TPD52L2: variants seen among roughly 807,000 people sequenced by gnomAD.
The protein encoded by TPD52L2 is TPD52 like 2.
In TPD52L2, 19 loss-of-function variants were observed where a neutral mutation model predicts 24.7. That is an observed-to-expected ratio of 0.77 (90% CI 0.54 to 1.13). TPD52L2 has a LOEUF of 1.13. TPD52L2 is among the 50% of genes most tolerant of loss of function. The pLI is 0.00. For synonymous variants in TPD52L2, 104 were observed against 100.2 expected, an observed-to-expected ratio of 1.04 and a Z score of -0.23; for missense variants, 236 against 250.4, an observed-to-expected ratio of 0.94 and a Z score of 0.39.
In TPD52L2 at chr20:63,890,801, A is replaced by G. The variant is rs950663302; in HGVS notation, c.*856A>G. ...GTGTACAAAACCTGCTTCTCTTCTC[A>G]ACCGTGGCAGCTCCCGCTGGCTCCT... On this transcript the variant is annotated 3_prime_UTR_variant, in exon 7 of 7. Coordinates refer to ENST00000346249, the MANE Select transcript of TPD52L2 (RefSeq NM_003288.4). 6 of 152,378 alleles carry G rather than the reference A, an allele frequency of 3.9e-5. No homozygotes were observed. Among genetic ancestry groups the G allele is most frequent in the African/African-American group, 1.4e-4 (6 of 41,454 alleles). 9.4% of individuals were successfully genotyped at this position (152,378 alleles called of 1,614,324 possible).
chr20:63,882,182 A>T (rs1427651546), intron 4 of TPD52L2, among the ~76,000 whole-genome samples: 3 of 152,224 alleles, frequency 2.0e-5, no homozygotes, highest in Non-Finnish European at 4.4e-5. Flanking sequence ...TTCCCCACAG[A>T]CGTGGTTGAG....
chr20:63,885,458 G>A (rs545404995), intron 5 of TPD52L2, among the ~76,000 whole-genome samples: 1 of 152,364 alleles, frequency 6.6e-6, no homozygotes, highest in East Asian at 1.9e-4. Context: ...TGGACACACA[G>A]GTTTCCAGGT....
At chr20:63,866,116 A>AT (rs2052219759) in intron 1 of TPD52L2, among the ~76,000 whole-genome samples, 1 of 148,602 alleles carries the variant, frequency 6.7e-6, no homozygotes, top group Non-Finnish European at 1.5e-5. Flanking sequence ...TTCTTTCTTT[A>AT]TTTTTTTGAG....
intron 5 of TPD52L2, chr20:63,888,612 CTT>C (rs1432862266): frequency 7.5e-6 from 1 of 134,170 alleles, no homozygotes; most frequent in East Asian, 2.3e-4. Flanking sequence ...ACTGCGCAGA[CTT>C]TTCATAACCT....
At chr20:63,870,153 A>G (rs528619385) in intron 2 of TPD52L2, among the ~76,000 whole-genome samples, 170 of 152,338 alleles carry the variant, frequency 1.1e-3, no homozygotes, top group African/African-American at 3.9e-3. Flanking sequence ...CTTCTTTTCT[A>G]AAAAGTATTT....
At chr20:63,889,727 TC>T (rs1179485089) in intron 6 of TPD52L2, 122 bp from the exon 7 acceptor site, 1 of 913,272 alleles carries the variant, frequency 1.1e-6, no homozygotes, top group East Asian at 2.6e-5. Flanking sequence ...TTGCTCCCTG[TC>T]CCTGCTGAGC....
chr20:63,869,314 C>G lies in TPD52L2; in HGVS notation c.38C>G (p.Pro13Arg). 1 of 1,614,114 alleles carries G rather than the reference C, an allele frequency of 6.2e-7. No homozygotes were observed. Among genetic ancestry groups the G allele is most frequent in the Non-Finnish European group, 8.5e-7 (1 of 1,179,982 alleles). Residue 13 changes from proline (P) to arginine (R), a missense_variant, in exon 2 of 7, where the codon CCT becomes CGT. Transcript: ENST00000346249. ...CTGGCAGATATCAACCTGAATTCTC[C>G]TAACAAAGGTCTGCTGTCTGACTCC... ...SAGQDINLNS[P>R]NKGLLSDSMT...
At chr20:63,886,717 T>C (rs1226082488) in intron 5 of TPD52L2, among the ~76,000 whole-genome samples, 1 of 151,074 alleles carries the variant, frequency 6.6e-6, no homozygotes, top group Non-Finnish European at 1.5e-5. Context: ...TGATCTCGGC[T>C]CACTGCAACC....
Position 63,882,828 on chromosome 20 carries a change from G to A in TPD52L2, c.476+8G>A, listed in dbSNP as rs776860296. 1.9e-5 allele frequency: 30 copies of A among 1,604,012 alleles called. No individual in the cohort carries two copies. The highest frequency in any genetic ancestry group is 2.7e-5 in the African/African-American group (2 of 74,804). On this transcript the variant is annotated splice_region_variant and intron_variant, in intron 5 of 6. Coordinates refer to ENST00000346249, the MANE Select transcript of TPD52L2 (RefSeq NM_003288.4). ...GAAGCTTGGAGACATGAGGTGAGAC[G>A]CAACCCTGACTCTGCTGCCCTGAGA...
intron 5 of TPD52L2, chr20:63,886,001 G>A (rs1408841605): frequency 1.9e-6 from 3 of 1,614,006 alleles, no homozygotes; most frequent in Non-Finnish European, 2.5e-6. Context: ...CTTCTCTCCT[G>A]CTGCCACCTT....
At position 63,891,399 on chromosome 20, in the gene TPD52L2, G is replaced by C. The variant is rs1235114688; in HGVS notation, c.*1454G>C. 1 of 152,462 alleles carries C rather than the reference G, an allele frequency of 6.6e-6. No individual in the cohort carries two copies. The highest frequency in any genetic ancestry group is 1.5e-5 in the Non-Finnish European group (1 of 68,154). The allele number at this position is 152,462 out of a possible 1,614,324, so 9.4% of individuals were successfully genotyped here. ...CAGGGGCCAGGGAAGCCCAGCGCTC[G>C]GTGCCCTTCGTCCAGGGTTAAAATC... On this transcript the variant is annotated 3_prime_UTR_variant, in exon 7 of 7. Coordinates refer to ENST00000346249, the MANE Select transcript of TPD52L2 (RefSeq NM_003288.4). This position sits in a 1 kb window ranked among gnomAD's most constrained non-coding sequence, Gnocchi z 4.7.
chr20:63,865,840 C>T (rs2052203116), intron 1 of TPD52L2, among the ~76,000 whole-genome samples: 1 of 152,042 alleles, frequency 6.6e-6, no homozygotes, highest in Non-Finnish European at 1.5e-5. Flanking sequence ...AAGGGGTCTT[C>T]GCGTTCAGCA....
In TPD52L2 at chr20:63,877,249, T is replaced by A; in HGVS notation, c.374+1374T>A. 3.1e-6 allele frequency: 1 copy of A among 326,188 alleles called. No individual in the cohort carries two copies. The highest frequency in any genetic ancestry group is 6.0e-6 in the Non-Finnish European group (1 of 167,546). 20.2% of individuals were successfully genotyped at this position (326,188 alleles called of 1,614,324 possible). On this transcript the variant is annotated intron_variant, in intron 4 of 6. Transcript: ENST00000346249. This position sits in a 1 kb window ranked among gnomAD's most constrained non-coding sequence, Gnocchi z 4.1. ...ACCATGTCAGCCAGGATGGTCTCAA[T>A]CTCCTGACCTCGTGATCCGCCTGCC...
chr20:63,868,541 CAGCATGTGCTCCTAGTACGTAATTTT>C (rs770660750), intron 1 of TPD52L2, among the ~76,000 whole-genome samples: 5 of 152,232 alleles, frequency 3.3e-5, no homozygotes, highest in Non-Finnish European at 5.9e-5. Context: ...GCTGAATGAG[CAGCATGTGCTCCTAGTACGTAATTTT>C]AGCATGTGCT....
At chr20:63,869,087 G>A (rs1257122750) in intron 1 of TPD52L2, among the ~76,000 whole-genome samples, 2 of 152,236 alleles carry the variant, frequency 1.3e-5, no homozygotes, top group South Asian at 4.1e-4. Flanking sequence ...AGCAGCACAA[G>A]TGGCATTGGC....
rs1272607790 is a variant in TPD52L2 at position 63,869,313 on chromosome 20, C to G, written c.37C>G (p.Pro13Ala). 2 of 1,613,992 alleles carry G rather than the reference C, an allele frequency of 1.2e-6. No homozygotes were observed. The highest frequency in any genetic ancestry group is 1.3e-5 in the African/African-American group (1 of 74,918). ...TCTGGCAGATATCAACCTGAATTCT[C>G]CTAACAAAGGTCTGCTGTCTGACTC... ...SAGQDINLNS[P>A]NKGLLSDSMT... Residue 13 changes from proline (P) to alanine (A), a missense_variant, in exon 2 of 7, where the codon CCT becomes GCT. By Grantham distance (27) the Pro-to-Ala change is conservative. Transcript: ENST00000346249.
At chr20:63,888,872 CT>C (rs1158939488) in intron 5 of TPD52L2, 33 of 414,786 alleles carry the variant, frequency 8.0e-5, no homozygotes, top group African/African-American at 5.9e-4. Context: ...TTTTCATAAC[CT>C]CAGTACGAGA....
At chr20:63,875,533 C>T (rs779400206) in intron 3 of TPD52L2, among the ~76,000 whole-genome samples, 11 of 152,252 alleles carry the variant, frequency 7.2e-5, no homozygotes, top group Non-Finnish European at 1.2e-4. Context: ...TTCCAGTCCC[C>T]CACAGCAGTG....
At chr20:63,869,488 C>G in intron 2 of TPD52L2, 47 bp downstream of exon 2, 2 of 1,606,052 alleles carry the variant, frequency 1.2e-6, no homozygotes, top group Non-Finnish European at 8.5e-7. Flanking sequence ...GAGTTAAGGC[C>G]CTCTTGGATT....
Sources: allele counts gnomAD v4.1 joint callset (sites outside exome capture counted in the v4.1 genomes callset), GRCh38; gene constraint gnomAD v4.1.1; non-coding constraint Gnocchi (gnomAD v3.1); transcripts MANE v1.5; gene names NCBI Gene and HGNC (gene_info 2026-07-23, HGNC 2026-07-21).